TTN: variants seen among roughly 807,000 people sequenced by gnomAD.
TTN encodes connectin.
A neutral mutation model predicts 3,223.0 loss-of-function variants in TTN; 1,525 were observed. The observed-to-expected ratio is 0.47, with a 90% confidence interval of 0.45 to 0.49. The LOEUF (loss-of-function observed/expected upper bound fraction) is 0.49, where lower values mean the gene tolerates loss of function less well. TTN is among the 20% of genes least tolerant of loss of function. TTN has a pLI of 0.00. For synonymous variants in TTN, 14,094 were observed against 15,161.0 expected, an observed-to-expected ratio of 0.93 and a Z score of 5.17; for missense variants, 40,786 against 43,424.0, an observed-to-expected ratio of 0.94 and a Z score of 5.40.
intron 263 of TTN, among the ~76,000 whole-genome samples, 170 bp downstream of exon 263, chr2:178,613,581 T>C (rs1179402500): frequency 6.6e-6 from 1 of 151,946 alleles, no homozygotes; most frequent in East Asian, 1.9e-4. Flanking sequence ...AATGTGCCCT[T>C]GAATGGAATT....
chr2:178,552,310 T>C lies in TTN; in HGVS notation c.90590A>G (p.Glu30197Gly), dbSNP rs531923761. The C allele has an allele frequency of 5.0e-6, 8 of 1,612,122 alleles. No individual in the cohort carries two copies. The South Asian group carries it at 7.7e-5, about 16-fold the overall frequency. Residue 30197 changes from glutamate (E) to glycine (G), a missense_variant, in exon 335 of 363, where the codon GAG becomes GGG. By Grantham distance (98) the Glu-to-Gly change is moderately conservative. Coordinates refer to ENST00000589042, the MANE Select transcript of TTN (RefSeq NM_001267550.2). Reference protein sequence around the residue: ...ITLSIKNAKKEHGGKYTVILD... With the variant: ...ITLSIKNAKKGHGGKYTVILD... ...AATAACAGTGTATTTTCCTCCATGC[T>C]CCTTCTTGGCATTCTTAATACTCAA...
intron 223 of TTN, 94 bp downstream of exon 223, chr2:178,639,605 G>T: frequency 8.0e-7 from 1 of 1,249,716 alleles, no homozygotes; most frequent in Non-Finnish European, 1.2e-6. Context: ...TACCTATGTT[G>T]CAGCATAAAC....
At position 178,775,214 on chromosome 2, in the gene TTN, A is replaced by C; in HGVS notation, c.6509-12T>G. On this transcript the variant is annotated splice_polypyrimidine_tract_variant and intron_variant, in intron 28 of 362. Transcript: ENST00000589042. The stretch of plus-strand genomic sequence containing the variant: ...GATCAATTGCTTGGCTACAAGAAAA[A>C]GGTGGGGGAAAAAGGGGAGAGCACA... 4 of 1,613,764 alleles carry C rather than the reference A, an allele frequency of 2.5e-6. No homozygotes were observed. In the South Asian group the frequency reaches 4.4e-5, roughly 18 times the overall value.
rs142273664 is a variant in TTN at position 178,749,427 on chromosome 2, G to A, written c.11311+3697C>T. The A allele has an allele frequency of 3.8e-5, 61 of 1,612,914 alleles. No homozygotes were observed. Among genetic ancestry groups the A allele is most frequent in the Admixed American group, 1.0e-4 (6 of 59,874 alleles). On this transcript the variant is annotated intron_variant, in intron 47 of 362. Coordinates refer to ENST00000589042, the MANE Select transcript of TTN (RefSeq NM_001267550.2). ...ATTTTTTCTCTAGAAGGTATGCAAC[G>A]CACCTGCTCTTTCTGGTCTATTTGC...
chr2:178,649,747 C>A (rs996112805), intron 211 of TTN, 70 bp downstream of exon 211: 192 of 1,561,628 alleles, frequency 1.2e-4, no homozygotes, highest in Non-Finnish European at 1.7e-4. Flanking sequence ...TAATACAACA[C>A]AACACACAAT....
At chr2:178,603,851 T>C (rs777405261) in intron 282 of TTN, 25 bp downstream of exon 282, 1 of 1,519,484 alleles carries the variant, frequency 6.6e-7, no homozygotes, top group Non-Finnish European at 8.9e-7. Flanking sequence ...TAGAAATTAG[T>C]CCCCAGAAAC....
Position 178,717,089 on chromosome 2 carries a change from A to G in TTN, c.25639+6T>C, listed in dbSNP as rs1229415619. 6.2e-7 allele frequency: 1 copy of G among 1,605,316 alleles called. No individual in the cohort carries two copies. Among genetic ancestry groups the G allele is most frequent in the Admixed American group, 1.7e-5 (1 of 59,582 alleles). ...AGAGATCTTGCTCCTTCACTCTAAC[A>G]AGTACCTTGTACACCCAGCTGAGCA... On this transcript the variant is annotated splice_donor_region_variant and intron_variant, in intron 88 of 362. Transcript: ENST00000589042.
chr2:178,609,584 A>T lies in TTN; in HGVS notation c.51740-14T>A. 1 of 1,576,926 alleles carries T rather than the reference A, an allele frequency of 6.3e-7. No individual in the cohort carries two copies. The highest frequency in any genetic ancestry group is 8.6e-7 in the Non-Finnish European group (1 of 1,162,812). On this transcript the variant is annotated splice_polypyrimidine_tract_variant and intron_variant, in intron 272 of 362. Transcript: ENST00000589042. ...CTTTGGGGGCATCTATAGTGATCATAACCAATAAATGTTTTCAATTCTGAT... is the reference window on the plus strand; with the variant it reads ...CTTTGGGGGCATCTATAGTGATCATTACCAATAAATGTTTTCAATTCTGAT...
rs2154306832 is a variant in TTN, at chr2:178,728,949, G to C, written c.19089C>G (p.Thr6363=). 1.9e-6 allele frequency: 3 copies of C among 1,612,498 alleles called. No homozygotes were observed. Among genetic ancestry groups the C allele is most frequent in the Non-Finnish European group, 1.7e-6 (2 of 1,179,236 alleles). Residue 6363 remains threonine (T), a synonymous_variant, in exon 65 of 363, where the codon ACC becomes ACG. Transcript: ENST00000589042. ...CTCCTGACTCATTCTTGGCTTGACA[G>C]GTATATCTCCCACTGTGTCCATTAT... ...SVDNGHSGRY[T]CQAKNESGVE... is the part of the protein sequence containing the mutation.
chr2:178,699,344 C>T lies in TTN; in HGVS notation c.30683-430G>A, dbSNP rs369668439. 7.7e-5 allele frequency among the ~76,000 whole-genome samples: 10 copies of T among 130,034 alleles called. No homozygotes were observed. In the East Asian group the frequency reaches 2.2e-3, roughly 28 times the overall value. 85.3% of individuals were successfully genotyped at this position (130,034 alleles called of 152,430 possible). Reference sequence around the variant, plus strand: ...ACCTTAACCACGGTTCCTAATCATACTTGATTATGGCCTTTTGTATTCATG... The same window carrying T: ...ACCTTAACCACGGTTCCTAATCATATTTGATTATGGCCTTTTGTATTCATG... On this transcript the variant is annotated intron_variant, in intron 111 of 362. Coordinates refer to ENST00000589042, the MANE Select transcript of TTN (RefSeq NM_001267550.2).
chr2:178,693,804 T>C, intron 118 of TTN, 115 bp from the exon 119 acceptor site: 1 of 1,233,332 alleles, frequency 8.1e-7, no homozygotes, highest in South Asian at 1.5e-5. Context: ...ATGAAAAAGA[T>C]GACAGAATTT....
chr2:178,672,160 C>G lies in TTN; in HGVS notation c.35038G>C (p.Glu11680Gln). The change falls in exon 155 of 363, where the codon GAA becomes CAA. Residue 11680 changes from glutamate to glutamine, a missense_variant. By Grantham distance (29) the Glu-to-Gln change is conservative. Transcript: ENST00000589042. ...VVEAEVEEIP[E>Q]EEEFHEVEEY... ...TCAACTTCATGGAACTCTTCTTCTT[C>G]CGGAATTTCTTCCACTTCTGCTTCT... The G allele has an allele frequency of 1.9e-6, 3 of 1,596,328 alleles. No homozygotes were observed. The highest frequency in any genetic ancestry group is 2.6e-6 in the Non-Finnish European group (3 of 1,169,750).
intron 99 of TTN, among the ~76,000 whole-genome samples, chr2:178,708,141 A>G (rs2154293376): frequency 6.6e-6 from 1 of 152,294 alleles, no homozygotes; most frequent in Non-Finnish European, 1.5e-5. Context: ...AATTCTCTCA[A>G]ACCTGTGTAC....
Position 178,741,497 on chromosome 2 carries a change from T to C in TTN, c.11736A>G (p.Lys3912=). 6.2e-7 allele frequency: 1 copy of C among 1,613,888 alleles called. No homozygotes were observed. Among genetic ancestry groups the C allele is most frequent in the Admixed American group, 1.7e-5 (1 of 60,008 alleles). The change falls in exon 48 of 363, where the codon AAA becomes AAG. Residue 3912 remains lysine, a synonymous_variant. Coordinates refer to ENST00000589042, the MANE Select transcript of TTN (RefSeq NM_001267550.2). ...ICSAYLKINS[K]GEGHKDTETE... is the part of the protein sequence containing the mutation. Reference sequence around the variant, plus strand: ...TTTCAGTGTCTTTGTGACCCTCTCCTTTGGAATTAATTTTTAGATAGGCAC... The same window carrying C: ...TTTCAGTGTCTTTGTGACCCTCTCCCTTGGAATTAATTTTTAGATAGGCAC...
Position 178,636,375 on chromosome 2 carries a change from A to G in TTN, c.41329+23T>C, listed in dbSNP as rs2060442362. On this transcript the variant is annotated intron_variant, in intron 225 of 362. Transcript: ENST00000589042. This position sits in a 1 kb window ranked among gnomAD's most constrained non-coding sequence, Gnocchi z 4.3. ...GTTACATTAAAGTTTAATATAGATTATGTTCAGAAGACTAGAAATTACCTT... is the reference window on the plus strand; with the variant it reads ...GTTACATTAAAGTTTAATATAGATTGTGTTCAGAAGACTAGAAATTACCTT... The G allele has an allele frequency of 6.4e-7, 1 of 1,573,776 alleles. No homozygotes were observed. Among genetic ancestry groups the G allele is most frequent in the East Asian group, 2.3e-5 (1 of 44,192 alleles).
rs1706025148 is a variant in TTN at position 178,566,766 on chromosome 2, C to T, written c.79366G>A (p.Glu26456Lys). 9.3e-6 allele frequency: 15 copies of T among 1,613,282 alleles called. No individual in the cohort carries two copies. The highest frequency in any genetic ancestry group is 5.3e-5 in the African/African-American group (4 of 74,898). ...TCTGCAGAGACCCTGAATTCATACT[C>T]ATGATCTTCTGTTAATCCTGTCACT... ...LRVTGLTEDH[E>K]YEFRVSAENA... The change falls in exon 326 of 363, where the codon GAG (glutamate) becomes AAG (lysine). Residue 26456 changes from glutamate to lysine, a missense_variant. Transcript: ENST00000589042.
In TTN at chr2:178,773,530, G is replaced by A; in HGVS notation, c.7526C>T (p.Ala2509Val). The stretch of plus-strand genomic sequence containing the variant: ...CAGCTTGTAAGGTCCTTCGTCTGAA[G>A]CATGAGTTCGGTTAATGACTAGTCG... ...KQRLVINRTH[A>V]SDEGPYKLIV... The change falls in exon 32 of 363, where the codon GCT becomes GTT. Residue 2509 changes from alanine to valine, a missense_variant. By Grantham distance (64) the Ala-to-Val change is moderately conservative. Transcript: ENST00000589042. 1 of 1,614,016 alleles carries A rather than the reference G, an allele frequency of 6.2e-7. No homozygotes were observed. Among genetic ancestry groups the A allele is most frequent in the Non-Finnish European group, 8.5e-7 (1 of 1,179,970 alleles).
intron 47 of TTN, chr2:178,746,962 C>T: frequency 2.5e-6 from 4 of 1,613,486 alleles, no homozygotes; most frequent in Non-Finnish European, 3.4e-6. Context: ...TGTAGAAATG[C>T]TCATTTGGTG....
At position 178,562,549 on chromosome 2, in the gene TTN, A is replaced by G. The variant is rs1236274166; in HGVS notation, c.83583T>C (p.Ser27861=). The change falls in exon 326 of 363, where the codon TCT becomes TCC. Residue 27861 remains serine (S), a synonymous_variant. Transcript: ENST00000589042. ...PAETTEPVKV[S]EPPLPPGRVT... ...CTCTTCCAGGTGGGAGGGGTGGTTC[A>G]GACACTTTAACGGGTTCTGTTGTTT... is the stretch of plus-strand genomic sequence containing the variant. The G allele has an allele frequency of 1.2e-6, 2 of 1,610,332 alleles. No individual in the cohort carries two copies. Among genetic ancestry groups the G allele is most frequent in the Admixed American group, 3.4e-5 (2 of 59,550 alleles).
Sources: allele counts gnomAD v4.1 joint callset (sites outside exome capture counted in the v4.1 genomes callset), GRCh38; gene constraint gnomAD v4.1.1; non-coding constraint Gnocchi (gnomAD v3.1); transcripts MANE v1.5; gene names NCBI Gene and HGNC (gene_info 2026-07-23, HGNC 2026-07-21).